The following PARD3 variants were observed in gnomAD, a reference collection of about 807,000 sequenced individuals.
PARD3 encodes the protein par-3 family cell polarity regulator.
Under a neutral mutation model 155.4 loss-of-function variants are expected in PARD3, and 75 were observed. The ratio of observed to expected loss-of-function variants is 0.48; its 90% CI spans 0.40 to 0.58. The LOEUF (loss-of-function observed/expected upper bound fraction) is 0.58, where lower values mean the gene tolerates loss of function less well. Ranked by LOEUF, PARD3 falls within the 20% of genes least tolerant of loss-of-function variation. The pLI is 0.00. For missense variants in PARD3, 1,642 were observed against 1,721.7 expected (o/e 0.95, Z 0.82); for synonymous variants, 576 against 610.5 (o/e 0.94, Z 0.83).
At chr10:34,629,913 A>G (rs1183784731) in intron 2 of PARD3, among the ~76,000 whole-genome samples, 1 of 152,202 alleles carries the variant, frequency 6.6e-6, no homozygotes, top group Non-Finnish European at 1.5e-5. Flanking sequence ...AGTATATTTC[A>G]TATATGTAGA....
chr10:34,353,580 G>T (rs1053295693), intron 14 of PARD3, among the ~76,000 whole-genome samples: 2 of 152,044 alleles, frequency 1.3e-5, no homozygotes, highest in Non-Finnish European at 2.9e-5. Context: ...AAACACTGCG[G>T]AAGGCCGCAG....
chr10:34,703,053 G>C (rs1001710060), intron 1 of PARD3, among the ~76,000 whole-genome samples: 4 of 152,116 alleles, frequency 2.6e-5, no homozygotes, highest in African/African-American at 4.8e-5. Context: ...AACGTGGTGA[G>C]AGAGAATTTT....
At chr10:34,240,467 C>CCT (rs1412310928) in intron 22 of PARD3, among the ~76,000 whole-genome samples, 1 of 152,074 alleles carries the variant, frequency 6.6e-6, no homozygotes, top group Non-Finnish European at 1.5e-5. Context: ...TAATTTTAAG[C>CCT]TTTAGTCAAA....
At chr10:34,576,951 C>A (rs1049247121) in intron 2 of PARD3, among the ~76,000 whole-genome samples, 1 of 152,182 alleles carries the variant, frequency 6.6e-6, no homozygotes, top group African/African-American at 2.4e-5. Flanking sequence ...TTCTCCCCTG[C>A]GTGTGGGGGT....
At chr10:34,217,404 T>G (rs1400511560) in intron 22 of PARD3, among the ~76,000 whole-genome samples, 1 of 152,132 alleles carries the variant, frequency 6.6e-6, no homozygotes, top group Non-Finnish European at 1.5e-5. Context: ...ACACTCCCTT[T>G]GTACAAGTCT....
intron 19 of PARD3, among the ~76,000 whole-genome samples, chr10:34,325,905 G>A (rs1183765480): frequency 1.3e-5 from 2 of 152,006 alleles, no homozygotes; most frequent in Non-Finnish European, 2.9e-5. Flanking sequence ...GGCAGATCAC[G>A]AGGTCAGGAG....
In PARD3 at chr10:34,648,827, A is replaced by T. The variant is rs554660520; in HGVS notation, c.222+47491T>A. 9.2e-5 allele frequency among the ~76,000 whole-genome samples: 14 copies of T among 152,316 alleles called. No homozygotes were observed. The Middle Eastern group carries it at 0.024, about 259-fold the overall frequency. On this transcript the variant is annotated intron_variant, in intron 2 of 24. Transcript: ENST00000374788. Reference sequence around the variant, plus strand: ...TGTGACATTTTTAAGGAAGCCCAGCAATCTCAGAGGGCCAGTCACTTCACA... The same window carrying T: ...TGTGACATTTTTAAGGAAGCCCAGCTATCTCAGAGGGCCAGTCACTTCACA...
intron 22 of PARD3, among the ~76,000 whole-genome samples, chr10:34,213,633 G>C (rs1951860148): frequency 1.3e-5 from 2 of 152,140 alleles, no homozygotes; most frequent in South Asian, 4.1e-4. Flanking sequence ...TGGTTATGTG[G>C]GAGGTGTAAA....
intron 14 of PARD3, 136 bp downstream of exon 14, chr10:34,359,011 T>A: frequency 1.6e-6 from 1 of 614,534 alleles, no homozygotes; most frequent in South Asian, 2.5e-5. Context: ...TACAAAATAA[T>A]AAAACTACAA....
intron 4 of PARD3, among the ~76,000 whole-genome samples, chr10:34,452,673 T>C (rs941956528): frequency 1.3e-4 from 20 of 152,230 alleles, no homozygotes; most frequent in African/African-American, 3.9e-4. Context: ...ATTATCTCTC[T>C]GGACAAGCTC....
chr10:34,451,779 T>G (rs1047653976), intron 4 of PARD3, among the ~76,000 whole-genome samples: 33 of 151,462 alleles, frequency 2.2e-4, no homozygotes, highest in Admixed American at 3.3e-4. Context: ...GCAAGTTTTT[T>G]TTTTTTTTTT....
At chr10:34,497,402 T>TTA (rs1419444419) in intron 3 of PARD3, among the ~76,000 whole-genome samples, 11 of 152,186 alleles carry the variant, frequency 7.2e-5, no homozygotes, top group Non-Finnish European at 1.6e-4. Context: ...ATGCAAACTA[T>TTA]TACACAATTT....
chr10:34,537,095 T>C (rs1288379050), intron 2 of PARD3, among the ~76,000 whole-genome samples: 1 of 152,218 alleles, frequency 6.6e-6, no homozygotes, highest in African/African-American at 2.4e-5. Context: ...CTCAAACTCC[T>C]GGACTCAAAC....
At chr10:34,635,499 A>G (rs766409137) in intron 2 of PARD3, among the ~76,000 whole-genome samples, 8 of 152,200 alleles carry the variant, frequency 5.3e-5, no homozygotes, top group South Asian at 2.1e-4. Context: ...AGGGGTCTCA[A>G]TGTGACAGGG....
intron 22 of PARD3, among the ~76,000 whole-genome samples, chr10:34,158,915 T>C (rs1327676796): frequency 6.6e-6 from 1 of 152,226 alleles, no homozygotes; most frequent in Non-Finnish European, 1.5e-5. Context: ...GTTGAAAGGC[T>C]TTGGGACAAG....
chr10:34,765,190 AG>A (rs1334921308), intron 1 of PARD3, among the ~76,000 whole-genome samples: 1 of 152,192 alleles, frequency 6.6e-6, no homozygotes, highest in African/African-American at 2.4e-5. Context: ...TTCCGTCCAA[AG>A]AAAAATACAA....
chr10:34,617,292 T>A (rs1373693105), intron 2 of PARD3, among the ~76,000 whole-genome samples: 1 of 151,766 alleles, frequency 6.6e-6, no homozygotes, highest in Admixed American at 6.6e-5. Flanking sequence ...AAAAAGTTGA[T>A]CTCATAGAAG....
intron 8 of PARD3, 29 bp downstream of exon 8, chr10:34,384,100 G>A (rs761336731): frequency 1.6e-5 from 26 of 1,607,296 alleles, no homozygotes; most frequent in Non-Finnish European, 1.2e-5. Flanking sequence ...ATGCAAGTAA[G>A]AACAGAAGTG....
intron 1 of PARD3, among the ~76,000 whole-genome samples, chr10:34,748,295 C>A (rs9943421): frequency 0.031 from 4,672 of 152,044 alleles, 234 homozygotes; most frequent in African/African-American, 0.11. Flanking sequence ...CACGGCAAAA[C>A]CCTGTCTCTA....
Sources: gnomAD v4.1 joint callset for allele counts (sites outside exome capture counted in the v4.1 genomes callset) on GRCh38, gnomAD v4.1.1 for gene constraint, MANE v1.5 for transcripts, NCBI Gene and HGNC (gene_info 2026-07-23, HGNC 2026-07-21) for gene names.